Variants in AKT3 observed in about 807,000 individuals in gnomAD.
AKT3 encodes the protein AKT serine/threonine kinase 3.
A neutral mutation model predicts 65.3 loss-of-function variants in AKT3; 15 were observed. The ratio of observed to expected loss-of-function variants is 0.23; its 90% confidence interval spans 0.15 to 0.35. The LOEUF is 0.35. AKT3 is among the 10% of genes least tolerant of loss of function. The pLI is 1.00. For missense variants in AKT3, 243 were observed against 576.5 expected (o/e 0.42, Z 5.92); for synonymous variants, 206 against 183.8 (o/e 1.12, Z -0.98).
At chr1:243,830,468 G>A (rs1466400950) in intron 2 of AKT3, among the ~76,000 whole-genome samples, 3 of 152,164 alleles carry the variant, frequency 2.0e-5, no homozygotes, top group Non-Finnish European at 4.4e-5. Flanking sequence ...TGCTTAGAAA[G>A]AGGGATTTTA....
intron 10 of AKT3, among the ~76,000 whole-genome samples, chr1:243,554,185 G>T (rs964815645): frequency 6.6e-6 from 1 of 151,602 alleles, no homozygotes; most frequent in African/African-American, 2.4e-5. Context: ...ACTTTGGTAG[G>T]GTATTTAAAG....
chr1:243,739,993 A>G (rs180720569), intron 2 of AKT3, among the ~76,000 whole-genome samples: 2 of 152,310 alleles, frequency 1.3e-5, no homozygotes, highest in East Asian at 3.9e-4. Context: ...AAAATGCCTC[A>G]TATTTTGTAG....
intron 2 of AKT3, among the ~76,000 whole-genome samples, chr1:243,825,505 T>A (rs1385855494): frequency 6.6e-6 from 1 of 152,180 alleles, no homozygotes; most frequent in Non-Finnish European, 1.5e-5. Flanking sequence ...CATTAAAATA[T>A]GTGGCTTTAA....
intron 12 of AKT3, among the ~76,000 whole-genome samples, chr1:243,535,598 A>C (rs1671871107): frequency 6.6e-6 from 1 of 152,160 alleles, no homozygotes; most frequent in African/African-American, 2.4e-5. Flanking sequence ...GTCTGTGTGC[A>C]CATCCCATTT....
intron 6 of AKT3, 98 bp from the exon 7 acceptor site, chr1:243,615,259 A>G (rs970306745): frequency 1.1e-6 from 1 of 874,332 alleles, no homozygotes; most frequent in African/African-American, 1.7e-5. Flanking sequence ...AAGCCCAGAG[A>G]TTGAAAAGGA....
At chr1:243,630,456 CAGAA>C (rs1178790368) in intron 6 of AKT3, among the ~76,000 whole-genome samples, 1 of 152,178 alleles carries the variant, frequency 6.6e-6, no homozygotes, top group East Asian at 1.9e-4. Flanking sequence ...TATTCCCACT[CAGAA>C]AGGGAGAAAT....
At chr1:243,705,075 C>A (rs962176366) in intron 2 of AKT3, among the ~76,000 whole-genome samples, 15 of 152,086 alleles carry the variant, frequency 9.9e-5, no homozygotes, top group African/African-American at 3.6e-4. Flanking sequence ...ACATATGTTC[C>A]CTCATGATTA....
At chr1:243,603,392 C>T (rs1254539324) in intron 8 of AKT3, among the ~76,000 whole-genome samples, 1 of 152,164 alleles carries the variant, frequency 6.6e-6, no homozygotes, top group African/African-American at 2.4e-5. Context: ...CTCTGTTGTA[C>T]CTAATCTCTC....
intron 2 of AKT3, among the ~76,000 whole-genome samples, chr1:243,731,774 C>A (rs1413752999): frequency 6.6e-6 from 1 of 152,144 alleles, no homozygotes; most frequent in African/African-American, 2.4e-5. Context: ...ATTAGCTGTG[C>A]AACCATGGAC....
chr1:243,612,652 A>G (rs1677956928), intron 8 of AKT3: 1 of 154,390 alleles, frequency 6.5e-6, no homozygotes, highest in Admixed American at 6.5e-5. Flanking sequence ...TGTGATCAAA[A>G]CCAAGGAAGA....
chr1:243,770,033 CG>C (rs1325200766), intron 2 of AKT3, among the ~76,000 whole-genome samples: 1 of 152,116 alleles, frequency 6.6e-6, no homozygotes, highest in Non-Finnish European at 1.5e-5. Flanking sequence ...ATGTGGAAAT[CG>C]GGTTGTCCCA....
At chr1:243,764,832 C>T (rs1689716372) in intron 2 of AKT3, among the ~76,000 whole-genome samples, 1 of 152,090 alleles carries the variant, frequency 6.6e-6, no homozygotes, top group Non-Finnish European at 1.5e-5. Context: ...TCAACTTTGA[C>T]AAAAACGTCT....
intron 12 of AKT3, 24 bp from the exon 13 acceptor site, chr1:243,512,450 T>C (rs1670074523): frequency 7.2e-7 from 1 of 1,382,498 alleles, no homozygotes; most frequent in Admixed American, 2.1e-5. Context: ...GAAAAAGAGT[T>C]TTATTAACTG....
chr1:243,562,349 G>T (rs932108071), intron 10 of AKT3, among the ~76,000 whole-genome samples: 2 of 152,092 alleles, frequency 1.3e-5, no homozygotes. Context: ...ACGGGTATGG[G>T]GTTTCTTGCT....
chr1:243,827,386 A>C (rs1282033430), intron 2 of AKT3, among the ~76,000 whole-genome samples: 2 of 152,126 alleles, frequency 1.3e-5, no homozygotes, highest in African/African-American at 2.4e-5. Context: ...ACCACATCAA[A>C]TGACTTCTTA....
Position 243,836,752 on chromosome 1 carries a change from A to T in AKT3, c.46+6373T>A, listed in dbSNP as rs182432047. On this transcript the variant is annotated intron_variant, in intron 2 of 13. Coordinates refer to ENST00000673466, the MANE Select transcript of AKT3 (RefSeq NM_005465.7). ...ATGGAGAAACCCTGTCTCTACTAAA[A>T]GTAGAAAATTAGCCAGGCATGGTGG... Among the ~76,000 whole-genome samples, 62 of 152,180 alleles carry T rather than the reference A, an allele frequency of 4.1e-4. No homozygotes were observed. In the East Asian group the frequency reaches 9.1e-3, roughly 22 times the overall value.
intron 4 of AKT3, among the ~76,000 whole-genome samples, chr1:243,660,048 A>C (rs1468891826): frequency 1.1e-4 from 16 of 151,102 alleles, no homozygotes; most frequent in African/African-American, 2.9e-4. Flanking sequence ...TAGTTTCAGA[A>C]GGAATGGTAC....
intron 12 of AKT3, among the ~76,000 whole-genome samples, chr1:243,527,075 G>C (rs919297644): frequency 6.6e-6 from 1 of 152,112 alleles, no homozygotes; most frequent in Non-Finnish European, 1.5e-5. Context: ...CAGATATGAA[G>C]ATTAATCTTC....
Position 243,680,855 on chromosome 1 carries a change from A to C in AKT3, c.172+14736T>G, listed in dbSNP as rs75249463. On this transcript the variant is annotated intron_variant, in intron 3 of 13. Coordinates refer to ENST00000673466, the MANE Select transcript of AKT3 (RefSeq NM_005465.7). The stretch of plus-strand genomic sequence containing the variant: ...ATCTACATTAAGCTGCTGTTTCCCT[A>C]AATGGAATTATCCAAAAGTTCTCAA... 9.6e-4 allele frequency among the ~76,000 whole-genome samples: 146 copies of C among 152,288 alleles called. No individual in the cohort carries two copies. The East Asian group carries it at 0.026, about 27-fold the overall frequency.
Sources: gnomAD v4.1 joint callset for allele counts (sites outside exome capture counted in the v4.1 genomes callset) on GRCh38, gnomAD v4.1.1 for gene constraint, MANE v1.5 for transcripts, NCBI Gene and HGNC (gene_info 2026-07-23, HGNC 2026-07-21) for gene names.